DAZL: variants seen among roughly 807,000 people sequenced by gnomAD.
The protein encoded by DAZL is deleted in azoospermia like.
A neutral mutation model predicts 45.0 loss-of-function variants in DAZL; 4 were observed. That is an observed-to-expected ratio of 0.09 (90% CI 0.04 to 0.20). The LOEUF is 0.20. DAZL is among the 10% of genes least tolerant of loss of function. The pLI is 1.00. For missense variants in DAZL, 326 were observed against 351.3 expected (o/e 0.93, Z 0.58); for synonymous variants, 122 against 112.4 (o/e 1.09, Z -0.54).
intron 1 of DAZL, 117 bp downstream of exon 1, chr3:16,605,086 G>GGGCTT: frequency 3.0e-6 from 4 of 1,324,858 alleles, no homozygotes. Context: ...GTCCAGGCAG[G>GGGCTT]TGCCCCCCAA....
At chr3:16,604,577 C>T (rs2125050108) in intron 1 of DAZL, 2 of 1,421,288 alleles carry the variant, frequency 1.4e-6, no homozygotes, top group East Asian at 5.2e-5. Flanking sequence ...GCTACAGGGC[C>T]ATGCCTTCAG....
At position 16,588,684 on chromosome 3, in the gene DAZL, ACTT is replaced by A. The variant is rs1224868538; in HGVS notation, c.861_863del (p.Arg287del). 4.3e-6 allele frequency: 7 copies of A among 1,611,750 alleles called. No homozygotes were observed. Among genetic ancestry groups the A allele is most frequent in the Non-Finnish European group, 5.9e-6 (7 of 1,178,348 alleles). ...ATCAAACAGATTTAAGCATTGCCCG[ACTT>A]CTTCTAAAGTGATGCACTCTTTTAT... On this transcript the variant is annotated inframe_deletion, in exon 11 of 11. Transcript: ENST00000399444.
intron 6 of DAZL, 84 bp from the exon 7 acceptor site, chr3:16,595,469 T>A: frequency 1.3e-6 from 1 of 793,630 alleles, no homozygotes; most frequent in Non-Finnish European, 2.0e-6. Context: ...AACAAAAATA[T>A]GAAAACTTTT....
chr3:16,598,041 C>T (rs767098027), intron 3 of DAZL, 46 bp downstream of exon 3: 24 of 1,389,460 alleles, frequency 1.7e-5, no homozygotes, highest in Middle Eastern at 2.5e-4. Context: ...TTCTCTGATA[C>T]TCTATACGTG....
intron 6 of DAZL, among the ~76,000 whole-genome samples, chr3:16,596,348 G>C (rs1196885991): frequency 6.6e-6 from 1 of 151,998 alleles, no homozygotes; most frequent in African/African-American, 2.4e-5. Flanking sequence ...AATATATCCA[G>C]AAGTCAGCAA....
rs543698100 is a variant in DAZL at position 16,587,364 on chromosome 3, C to A, written c.*1296G>T. On this transcript the variant is annotated 3_prime_UTR_variant, in exon 11 of 11. Coordinates refer to ENST00000399444, the MANE Select transcript of DAZL (RefSeq NM_001351.4). ...CATGGCAGATCAAATGGTACTGATA[C>A]AACTTTTTCCCTTAGAAAGGTATTA... 2.0e-5 allele frequency: 3 copies of A among 152,326 alleles called. No individual in the cohort carries two copies. Among genetic ancestry groups the A allele is most frequent in the African/African-American group, 7.2e-5 (3 of 41,448 alleles). The allele number at this position is 152,326 out of a possible 1,614,324, so 9.4% of individuals were successfully genotyped here. A position where few individuals can be genotyped will look rare whatever the true frequency, so the allele number is the denominator to read the frequency against.
chr3:16,602,381 T>C (rs1694704042), intron 1 of DAZL, among the ~76,000 whole-genome samples: 1 of 152,194 alleles, frequency 6.6e-6, no homozygotes, highest in Non-Finnish European at 1.5e-5. Flanking sequence ...GGGAGTTTTT[T>C]CAACTTGTAA....
In DAZL at chr3:16,588,677, T is replaced by C. The variant is rs1219821679; in HGVS notation, c.871A>G (p.Met291Val). Residue 291 changes from methionine (M) to valine (V), a missense_variant, in exon 11 of 11, where the codon ATG becomes GTG. Met to Val is a conservative substitution (Grantham distance 21, BLOSUM62 1). Coordinates refer to ENST00000399444, the MANE Select transcript of DAZL (RefSeq NM_001351.4). ...CAGGAGGATCAAACAGATTTAAGCA[T>C]TGCCCGACTTCTTCTAAAGTGATGC... ...RVHHFRRSRA[M>V]LKSV 10 of 1,611,586 alleles carry C rather than the reference T, an allele frequency of 6.2e-6. No individual in the cohort carries two copies. The highest frequency in any genetic ancestry group is 2.2e-5 in the East Asian group (1 of 44,728).
chr3:16,603,182 A>G (rs11128798), intron 1 of DAZL, among the ~76,000 whole-genome samples: 40,200 of 152,118 alleles, frequency 0.26, 5,484 homozygotes, highest in Non-Finnish European at 0.3. Context: ...AAGATGTATC[A>G]TAATTTGATA....
At chr3:16,595,203 T>C in intron 7 of DAZL, 111 bp downstream of exon 7, 1 of 598,178 alleles carries the variant, frequency 1.7e-6, no homozygotes, top group Non-Finnish European at 2.9e-6. Flanking sequence ...TCTTAAATTT[T>C]AGGTACATTT....
In DAZL at chr3:16,596,973, T is replaced by C; in HGVS notation, c.358+15A>G. ...TCTTTTATGTTTAAAAAGAACAATT[T>C]CTTTTTGTACTCACATAAATTTTGT... On this transcript the variant is annotated intron_variant, in intron 5 of 10. Coordinates refer to ENST00000399444, the MANE Select transcript of DAZL (RefSeq NM_001351.4). 1 of 1,613,150 alleles carries C rather than the reference T, an allele frequency of 6.2e-7. No individual in the cohort carries two copies.
intron 7 of DAZL, 83 bp from the exon 8 acceptor site, chr3:16,594,666 G>T: frequency 1.1e-6 from 1 of 876,244 alleles, no homozygotes; most frequent in African/African-American, 1.8e-5. Context: ...CAATATTGAA[G>T]TACTTATCAT....
intron 1 of DAZL, among the ~76,000 whole-genome samples, chr3:16,600,475 G>C (rs1694673547): frequency 6.6e-6 from 1 of 152,084 alleles, no homozygotes; most frequent in East Asian, 1.9e-4. Context: ...CAATGATGTG[G>C]AAGAAAAATT....
intron 9 of DAZL, among the ~76,000 whole-genome samples, chr3:16,593,259 G>C (rs59167545): frequency 0.14 from 21,343 of 152,234 alleles, 1,943 homozygotes; most frequent in East Asian, 0.46. Context: ...AAGGACTGCT[G>C]AATCAGAAAC....
chr3:16,590,494 A>G (rs1242577401), intron 10 of DAZL, among the ~76,000 whole-genome samples: 2 of 152,216 alleles, frequency 1.3e-5, no homozygotes, highest in Non-Finnish European at 2.9e-5. Flanking sequence ...TGGCAGTTCC[A>G]CTGAAGGTTA....
intron 1 of DAZL, among the ~76,000 whole-genome samples, chr3:16,601,096 AATT>A (rs1228745336): frequency 7.2e-5 from 11 of 152,196 alleles, no homozygotes; most frequent in Non-Finnish European, 1.6e-4. Flanking sequence ...TGAGGAGGAA[AATT>A]ATTGTTTGGG....
chr3:16,605,227 C>T lies in DAZL; in HGVS notation c.-22G>A. On this transcript the variant is annotated 5_prime_UTR_variant, in exon 1 of 11. Transcript: ENST00000399444. ...CCATGATGGCGGCAGGCAGCAGTTCCCGACCGGCTCCAGGAGGAGCAGAGG... is the reference window on the plus strand; with the variant it reads ...CCATGATGGCGGCAGGCAGCAGTTCTCGACCGGCTCCAGGAGGAGCAGAGG... The T allele has an allele frequency of 6.2e-7, 1 of 1,614,188 alleles. No homozygotes were observed. The highest frequency in any genetic ancestry group is 8.5e-7 in the Non-Finnish European group (1 of 1,179,994).
Position 16,605,267 on chromosome 3 carries a change from C to G in DAZL, c.-62G>C. ...AGGAGCAGAGGCTGTGCTTGGCGCACCACTTCTGGGGCTGCTGTGAGGTCC... is the reference window on the plus strand; with the variant it reads ...AGGAGCAGAGGCTGTGCTTGGCGCAGCACTTCTGGGGCTGCTGTGAGGTCC... On this transcript the variant is annotated 5_prime_UTR_variant, in exon 1 of 11. Coordinates refer to ENST00000399444, the MANE Select transcript of DAZL (RefSeq NM_001351.4). 2.5e-6 allele frequency: 4 copies of G among 1,609,106 alleles called. No homozygotes were observed. Among genetic ancestry groups the G allele is most frequent in the Non-Finnish European group, 3.4e-6 (4 of 1,175,466 alleles).
chr3:16,605,025 G>A (rs113931403), intron 1 of DAZL, among the ~76,000 whole-genome samples, 178 bp downstream of exon 1: 9 of 152,304 alleles, frequency 5.9e-5, no homozygotes, highest in South Asian at 4.1e-4. Flanking sequence ...TGTGTAGGCC[G>A]CGCCACTGCC....
Sources: allele counts gnomAD v4.1 joint callset (sites outside exome capture counted in the v4.1 genomes callset), GRCh38; gene constraint gnomAD v4.1.1; transcripts MANE v1.5; gene names NCBI Gene and HGNC (gene_info 2026-07-23, HGNC 2026-07-21).